Variants in ARHGAP32 observed in about 807,000 individuals in gnomAD.
The protein encoded by ARHGAP32 is Rho GTPase activating protein 32.
Under a neutral mutation model 186.5 loss-of-function variants are expected in ARHGAP32, and 51 were observed. The observed-to-expected ratio is 0.27, with a 90% confidence interval of 0.22 to 0.35. ARHGAP32 has a LOEUF of 0.35. Ranked by LOEUF, ARHGAP32 falls within the 10% of genes least tolerant of loss-of-function variation. The pLI is 1.00. For synonymous variants in ARHGAP32, 950 were observed against 964.3 expected, an observed-to-expected ratio of 0.99 and a Z score of 0.27; for missense variants, 2,186 against 2,623.5, an observed-to-expected ratio of 0.83 and a Z score of 3.64.
intron 18 of ARHGAP32, among the ~76,000 whole-genome samples, chr11:128,979,140 G>A (rs1008532868): frequency 6.6e-6 from 1 of 152,094 alleles, no homozygotes; most frequent in Non-Finnish European, 1.5e-5. Context: ...TTTTCACAAA[G>A]ATCATTTTTA....
In ARHGAP32 at chr11:128,969,365, T is replaced by G; in HGVS notation, c.5848A>C (p.Arg1950=). ...KYAASGQESL[R]LNHKEVRLSK... Reference sequence around the variant, plus strand: ...AGCCTTACCTCTTTGTGGTTCAGTCTTAAAGATTCTTGCCCGGATGCAGCA... The same window carrying G: ...AGCCTTACCTCTTTGTGGTTCAGTCGTAAAGATTCTTGCCCGGATGCAGCA... The change falls in exon 23 of 23, where the codon AGA becomes CGA. Residue 1950 remains arginine (R), a synonymous_variant. Coordinates refer to ENST00000682385, the MANE Select transcript of ARHGAP32 (RefSeq NM_001378024.1). This position sits in a 1 kb window ranked among gnomAD's most constrained non-coding sequence, Gnocchi z 4.8. The G allele has an allele frequency of 6.2e-7, 1 of 1,614,248 alleles. No homozygotes were observed. The highest frequency in any genetic ancestry group is 8.5e-7 in the Non-Finnish European group (1 of 1,180,040).
chr11:129,010,068 A>C (rs953262134), intron 11 of ARHGAP32, among the ~76,000 whole-genome samples: 1 of 152,058 alleles, frequency 6.6e-6, no homozygotes, highest in Non-Finnish European at 1.5e-5. Flanking sequence ...TCTAACGACC[A>C]GTGTTGTTTG....
intron 1 of ARHGAP32, among the ~76,000 whole-genome samples, chr11:129,170,151 A>T (rs1342904434): frequency 6.6e-6 from 1 of 151,800 alleles, no homozygotes; most frequent in East Asian, 1.9e-4. Flanking sequence ...CCTATAATTG[A>T]TCACACTACA....
intron 12 of ARHGAP32, among the ~76,000 whole-genome samples, chr11:128,988,878 C>T (rs185455869): frequency 2.0e-4 from 31 of 152,286 alleles, no homozygotes; most frequent in African/African-American, 5.8e-4. Context: ...CATTTTATAA[C>T]CATTCAAACA....
At chr11:129,035,699 C>T (rs978232668) in intron 11 of ARHGAP32, among the ~76,000 whole-genome samples, 8 of 151,982 alleles carry the variant, frequency 5.3e-5, no homozygotes, top group African/African-American at 1.9e-4. Context: ...TAAAAATTAG[C>T]AGGTCGTGGC....
intron 1 of ARHGAP32, among the ~76,000 whole-genome samples, chr11:129,224,803 A>G (rs1169292590): frequency 7.3e-6 from 1 of 136,740 alleles, no homozygotes; most frequent in African/African-American, 2.7e-5. Flanking sequence ...TCTCTTCCCC[A>G]CAAGCATTTG....
intron 1 of ARHGAP32, among the ~76,000 whole-genome samples, chr11:129,178,560 A>C (rs1375231011): frequency 6.6e-6 from 1 of 152,082 alleles, no homozygotes; most frequent in East Asian, 1.9e-4. Context: ...AGGCTACAGT[A>C]ACCAAAACAG....
intron 6 of ARHGAP32, among the ~76,000 whole-genome samples, chr11:129,077,997 G>A (rs1941100381): frequency 6.6e-6 from 1 of 152,154 alleles, no homozygotes; most frequent in African/African-American, 2.4e-5. Context: ...CAACTTCACT[G>A]CTAGCATAAC....
chr11:129,189,365 C>T lies in ARHGAP32; in HGVS notation c.116+2718G>A, dbSNP rs146989267. 4.9e-3 allele frequency among the ~76,000 whole-genome samples: 742 copies of T among 152,244 alleles called. 4 individuals are homozygous for T. Among genetic ancestry groups the T allele is most frequent in the Middle Eastern group, 0.024 (7 of 294 alleles). On this transcript the variant is annotated intron_variant, in intron 1 of 22. Transcript: ENST00000682385. The stretch of plus-strand genomic sequence containing the variant: ...GAGGAAATAGGAAAAATGATACCTG[C>T]TTTATAGGAGTGATAAGCAGTTAAC...
intron 6 of ARHGAP32, among the ~76,000 whole-genome samples, chr11:129,088,052 C>T (rs772755105): frequency 7.2e-5 from 11 of 152,150 alleles, no homozygotes; most frequent in Non-Finnish European, 1.6e-4. Flanking sequence ...TGTAGTTCCT[C>T]ATATATTCAT....
chr11:128,973,210 G>A lies in ARHGAP32; in HGVS notation c.3296C>T (p.Ser1099Phe). 6.2e-7 allele frequency: 1 copy of A among 1,614,188 alleles called. No individual in the cohort carries two copies. The highest frequency in any genetic ancestry group is 8.5e-7 in the Non-Finnish European group (1 of 1,180,032). ...TAGAGCAACTGCAGAGTAAGAACTGGACAGATTATCTTCAGTTGTAGCCAC... is the reference window on the plus strand; with the variant it reads ...TAGAGCAACTGCAGAGTAAGAACTGAACAGATTATCTTCAGTTGTAGCCAC... ...IAVATTEDNL[S>F]SSYSAVALDK... Residue 1099 changes from serine (S) to phenylalanine (F), a missense_variant, in exon 22 of 23, where the codon TCC becomes TTC. This residue lies in a region of ARHGAP32 where 1,502 missense variants were observed against 1,570.0 expected (regional missense o/e 0.96). Coordinates refer to ENST00000682385, the MANE Select transcript of ARHGAP32 (RefSeq NM_001378024.1).
intron 1 of ARHGAP32, among the ~76,000 whole-genome samples, chr11:129,228,325 A>G (rs996016108): frequency 1.3e-4 from 20 of 152,198 alleles, no homozygotes; most frequent in African/African-American, 4.8e-4. Context: ...AGAACAAACT[A>G]AATTCAAAGC....
chr11:129,238,358 C>T lies in ARHGAP32; in HGVS notation c.-5+40788G>A, dbSNP rs777699211. On this transcript the variant is annotated intron_variant, in intron 1 of 6. Transcript: ENST00000525234. ...TGCCCTTTCTTCTCCCCTCTCTTCA[C>T]ACTTCTCATGACCCAGTCAGAGAAA... 1.1e-3 allele frequency among the ~76,000 whole-genome samples: 161 copies of T among 152,264 alleles called. 1 individual carries two copies. The highest frequency in any genetic ancestry group is 7.2e-4 in the Non-Finnish European group (49 of 68,024).
upstream of ARHGAP32, among the ~76,000 whole-genome samples, chr11:129,193,371 A>G (rs1347144299): frequency 8.5e-6 from 1 of 118,168 alleles, no homozygotes; most frequent in Non-Finnish European, 1.7e-5. Context: ...AGTCCCAGCT[A>G]CTCAACAGGC....
At chr11:128,995,112 T>C (rs958729268) in intron 12 of ARHGAP32, among the ~76,000 whole-genome samples, 13 of 152,236 alleles carry the variant, frequency 8.5e-5, no homozygotes, top group Non-Finnish European at 1.9e-4. Context: ...TTAATTATAT[T>C]CATTTCTCAT....
At chr11:128,982,474 CGTGTGTGTGT>C (rs60379183) in intron 15 of ARHGAP32, among the ~76,000 whole-genome samples, 5 of 147,362 alleles carry the variant, frequency 3.4e-5, no homozygotes, top group East Asian at 4.0e-4. Context: ...AGGTAAGTGC[CGTGTGTGTGT>C]GTGTGTGTGT....
At chr11:129,211,954 A>T (rs1944586985) in intron 1 of ARHGAP32, among the ~76,000 whole-genome samples, 1 of 152,098 alleles carries the variant, frequency 6.6e-6, no homozygotes, top group South Asian at 2.1e-4. Flanking sequence ...CAGGAGTTTA[A>T]GACCAGCCTA....
At chr11:129,113,734 G>A (rs1374612243) in intron 5 of ARHGAP32, among the ~76,000 whole-genome samples, 2 of 152,022 alleles carry the variant, frequency 1.3e-5, no homozygotes, top group African/African-American at 4.8e-5. Flanking sequence ...TTTAAGTAGG[G>A]ATCGCTATGT....
At chr11:129,146,348 T>C (rs555697297) in intron 2 of ARHGAP32, among the ~76,000 whole-genome samples, 1 of 152,242 alleles carries the variant, frequency 6.6e-6, no homozygotes, top group African/African-American at 2.4e-5. Flanking sequence ...CTGTGTGCCA[T>C]TTCGAATAGT....
Sources: gnomAD v4.1 joint callset for allele counts (sites outside exome capture counted in the v4.1 genomes callset) on GRCh38, gnomAD v4.1.1 for gene constraint, gnomAD v4.1.1 regional missense constraint, Gnocchi (gnomAD v3.1) non-coding constraint, MANE v1.5 for transcripts, NCBI Gene and HGNC (gene_info 2026-07-23, HGNC 2026-07-21) for gene names.